TTC21B: variants seen among roughly 807,000 people sequenced by gnomAD.
TTC21B encodes the protein tetratricopeptide repeat domain 21B.
Under a neutral mutation model 175.1 loss-of-function variants are expected in TTC21B, and 127 were observed. The ratio of observed to expected loss-of-function variants is 0.73; its 90% CI spans 0.63 to 0.84. The LOEUF (loss-of-function observed/expected upper bound fraction) is 0.84, where lower values mean the gene tolerates loss of function less well. Ranked by LOEUF, TTC21B falls within the 40% of genes least tolerant of loss-of-function variation. The probability of loss-of-function intolerance (pLI) is 0.00; values close to 1 mark genes in which losing one functional copy is unlikely to be tolerated. For missense variants in TTC21B, 1,561 were observed against 1,558.3 expected (o/e 1.00, Z -0.03); for synonymous variants, 524 against 524.5 (o/e 1.00, Z 0.01).
rs768126044 is a variant in TTC21B, at chr2:165,945,542, T to C, written c.411A>G (p.Ile137Met). The change falls in exon 4 of 29, where the codon ATA (isoleucine) becomes ATG (methionine). Residue 137 changes from isoleucine to methionine, a missense_variant. Physicochemically the swap from Ile to Met is conservative, Grantham distance 10. Coordinates refer to ENST00000243344, the MANE Select transcript of TTC21B (RefSeq NM_024753.5). Reference protein sequence around the residue: ...AREYIDRMIKISDGSKQGHVL... With the variant: ...AREYIDRMIKMSDGSKQGHVL... ...TAGCTACCTGTTTACTACCATCTGA[T>C]ATTTTGATCATTCTGTCAATATATT... The C allele has an allele frequency of 5.6e-6, 9 of 1,613,466 alleles. No individual in the cohort carries two copies. The highest frequency in any genetic ancestry group is 3.3e-5 in the South Asian group (3 of 91,076).
At position 165,881,196 on chromosome 2, in the gene TTC21B, T is replaced by G. The variant is rs146078560; in HGVS notation, c.3685-397A>C. Among the ~76,000 whole-genome samples, 646 of 152,256 alleles carry G rather than the reference T, an allele frequency of 4.2e-3. 9 individuals are homozygous for G. The highest frequency in any genetic ancestry group is 0.014 in the African/African-American group (587 of 41,544). On this transcript the variant is annotated intron_variant, in intron 26 of 28. Coordinates refer to ENST00000243344, the MANE Select transcript of TTC21B (RefSeq NM_024753.5). ...CACCTCTATCTCACAAACCTACCCT[T>G]CTGTATTACCAGAAAAAATCCTCAG...
intron 5 of TTC21B, among the ~76,000 whole-genome samples, chr2:165,941,580 T>G (rs1687370969): frequency 6.6e-6 from 1 of 152,124 alleles, no homozygotes; most frequent in Non-Finnish European, 1.5e-5. Context: ...AGAAATTATT[T>G]TCAGGTTAAA....
rs2304001 is a variant in TTC21B, at chr2:165,876,701, A to G, written c.3806-469T>C. ...TTTTAAAATAATTGCATGAGTAAAT[A>G]ATTTCAAAACTGAGATAAATGTTAT... On this transcript the variant is annotated intron_variant, in intron 27 of 28. Coordinates refer to ENST00000243344, the MANE Select transcript of TTC21B (RefSeq NM_024753.5). Among the ~76,000 whole-genome samples the G allele has an allele frequency of 3.3e-5, 5 of 152,350 alleles. No homozygotes were observed. The East Asian group carries it at 9.6e-4, about 29-fold the overall frequency.
chr2:165,891,582 CATTCATTCAT>C lies in TTC21B; in HGVS notation c.2951-604_2951-595del, dbSNP rs1278852077. Among the ~76,000 whole-genome samples, 3 of 107,324 alleles carry C rather than the reference CATTCATTCAT, an allele frequency of 2.8e-5. No homozygotes were observed. The Admixed American group carries it at 4.3e-4, about 15-fold the overall frequency. 70.4% of individuals were successfully genotyped at this position (107,324 alleles called of 152,430 possible). On this transcript the variant is annotated intron_variant, in intron 22 of 28. Transcript: ENST00000243344. ...CACCTTCTTCTAAAAAAAATTCATT[CATTCATTCAT>C]TCATTCATTCATTCATTCATTCATT...
intron 22 of TTC21B, among the ~76,000 whole-genome samples, chr2:165,892,436 T>C (rs1685226570): frequency 6.6e-6 from 1 of 152,126 alleles, no homozygotes; most frequent in Admixed American, 6.5e-5. Context: ...ACCTTCACAA[T>C]ACACAGAAAA....
intron 27 of TTC21B, 22 bp from the exon 28 acceptor site, chr2:165,876,254 A>C (rs1311627836): frequency 1.4e-6 from 2 of 1,440,048 alleles, no homozygotes; most frequent in African/African-American, 1.4e-5. Context: ...AAAACCATAA[A>C]ACAGAATGAT....
chr2:165,879,874 T>C (rs1054511754), intron 27 of TTC21B: 7 of 152,182 alleles, frequency 4.6e-5, no homozygotes, highest in Admixed American at 3.3e-4. Flanking sequence ...AGACTCGGAA[T>C]CCAATCTTAG....
chr2:165,932,152 C>T (rs529836236), intron 7 of TTC21B, among the ~76,000 whole-genome samples: 29 of 152,178 alleles, frequency 1.9e-4, no homozygotes, highest in African/African-American at 6.7e-4. Context: ...TGCCCAGCTC[C>T]GCCTTCAATA....
intron 27 of TTC21B, among the ~76,000 whole-genome samples, chr2:165,878,990 G>A (rs1014906092): frequency 9.9e-5 from 15 of 152,072 alleles, no homozygotes; most frequent in Admixed American, 5.9e-4. Context: ...CCATGAGCAT[G>A]ATTTTAAGGG....
At chr2:165,931,563 T>C (rs1336416289) in intron 8 of TTC21B, among the ~76,000 whole-genome samples, 195 bp downstream of exon 8, 1 of 152,138 alleles carries the variant, frequency 6.6e-6, no homozygotes, top group Non-Finnish European at 1.5e-5. Context: ...TGGCATTTCC[T>C]CCATGAAGCC....
chr2:165,899,426 T>C (rs1280239874), intron 21 of TTC21B, among the ~76,000 whole-genome samples: 1 of 152,068 alleles, frequency 6.6e-6, no homozygotes, highest in Non-Finnish European at 1.5e-5. Context: ...CCACCCAAAC[T>C]CTTAAATTTG....
At chr2:165,938,323 TC>T (rs1687238021) in intron 6 of TTC21B, among the ~76,000 whole-genome samples, 2 of 152,150 alleles carry the variant, frequency 1.3e-5, no homozygotes, top group East Asian at 3.9e-4. Flanking sequence ...TTATAGGTAT[TC>T]TAGCTAAGAA....
chr2:165,898,736 T>G lies in TTC21B; in HGVS notation c.2900A>C (p.Asp967Ala). The G allele has an allele frequency of 6.2e-7, 1 of 1,613,512 alleles. No individual in the cohort carries two copies. The highest frequency in any genetic ancestry group is 8.5e-7 in the Non-Finnish European group (1 of 1,179,452). ...TAAATGAAACACTGCTTGTTCATAG[T>G]CTTGTTTTCTGAACATGAGATCAGC... ...MMADLMFRKQ[D>A]YEQAVFHLQQ... Residue 967 changes from aspartate (D) to alanine (A), a missense_variant, in exon 22 of 29, where the codon GAC (aspartate) becomes GCC (alanine). Asp to Ala is a moderately radical substitution (Grantham distance 126). Coordinates refer to ENST00000243344, the MANE Select transcript of TTC21B (RefSeq NM_024753.5).
At chr2:165,935,115 G>C (rs1300612094) in intron 6 of TTC21B, among the ~76,000 whole-genome samples, 1 of 152,156 alleles carries the variant, frequency 6.6e-6, no homozygotes. Context: ...GAGATGGCAG[G>C]ACTGCAAGAT....
At position 165,901,810 on chromosome 2, in the gene TTC21B, A is replaced by G; in HGVS notation, c.2669T>C (p.Ile890Thr). 1 of 1,614,140 alleles carries G rather than the reference A, an allele frequency of 6.2e-7. No homozygotes were observed. The highest frequency in any genetic ancestry group is 8.5e-7 in the Non-Finnish European group (1 of 1,179,996). The change falls in exon 20 of 29, where the codon ATT becomes ACT. Residue 890 changes from isoleucine to threonine, a missense_variant. Ile to Thr is a moderately conservative substitution (Grantham distance 89). Coordinates refer to ENST00000243344, the MANE Select transcript of TTC21B (RefSeq NM_024753.5). ...KHLAAEICAEIAKHSVAQRDY... is the reference protein window; with the variant it reads ...KHLAAEICAETAKHSVAQRDY... ...TCGCTGAGCAACAGAATGTTTTGCA[A>G]TCTCTGCACAAATTTCAGCTGCTAA...
At chr2:165,924,141 A>C (rs1686530895) in intron 12 of TTC21B, among the ~76,000 whole-genome samples, 1 of 152,176 alleles carries the variant, frequency 6.6e-6, no homozygotes, top group Non-Finnish European at 1.5e-5. Context: ...ATTTTAAGCT[A>C]TCCATAACAA....
rs535027243 is a variant in TTC21B, at chr2:165,881,789, T to C, written c.3685-990A>G. 7.9e-5 allele frequency among the ~76,000 whole-genome samples: 12 copies of C among 152,186 alleles called. No homozygotes were observed. The South Asian group carries it at 2.3e-3, about 29-fold the overall frequency. Reference sequence around the variant, plus strand: ...TTGTAATTTTTTTCCAGAATATGAGTTTAAAAATATTGAAAAATCTGAAAG... The same window carrying C: ...TTGTAATTTTTTTCCAGAATATGAGCTTAAAAATATTGAAAAATCTGAAAG... On this transcript the variant is annotated intron_variant, in intron 26 of 28. Coordinates refer to ENST00000243344, the MANE Select transcript of TTC21B (RefSeq NM_024753.5).
intron 20 of TTC21B, 32 bp from the exon 21 acceptor site, chr2:165,899,912 C>T: frequency 7.8e-7 from 1 of 1,288,090 alleles, no homozygotes; most frequent in South Asian, 1.2e-5. Flanking sequence ...TCATCAGACA[C>T]TGTATAGAAT....
Position 165,913,574 on chromosome 2 carries a change from C to T in TTC21B, c.2211G>A (p.Glu737=). The part of the protein sequence containing the change: ...LLGDAYMNIL[E]PEEAIVAYEQ... ...AGTTCAGTAACATCAGAAATTTTACCTCTAGAATATTCATGTATGCATCAC... is the reference window on the plus strand; with the variant it reads ...AGTTCAGTAACATCAGAAATTTTACTTCTAGAATATTCATGTATGCATCAC... The change falls in exon 16 of 29, where the codon GAG becomes GAA. Residue 737 remains glutamate, a splice_region_variant and synonymous_variant. Coordinates refer to ENST00000243344, the MANE Select transcript of TTC21B (RefSeq NM_024753.5). The T allele has an allele frequency of 6.2e-7, 1 of 1,608,028 alleles. No individual in the cohort carries two copies. The highest frequency in any genetic ancestry group is 8.5e-7 in the Non-Finnish European group (1 of 1,175,168).
Sources: gnomAD v4.1 joint callset for allele counts (sites outside exome capture counted in the v4.1 genomes callset) on GRCh38, gnomAD v4.1.1 for gene constraint, MANE v1.5 for transcripts, NCBI Gene and HGNC (gene_info 2026-07-23, HGNC 2026-07-21) for gene names.